The following MED13L variants were observed in gnomAD, a reference collection of about 807,000 sequenced individuals.
MED13L encodes mediator complex subunit 13L, also known as mediator of RNA polymerase II transcription subunit 13-like.
Under a neutral mutation model 220.9 loss-of-function variants are expected in MED13L, and 7 were observed. The ratio of observed to expected loss-of-function variants is 0.03; its 90% CI spans 0.02 to 0.06. The LOEUF is 0.06. MED13L is among the 10% of genes least tolerant of loss of function. MED13L has a pLI of 1.00. For synonymous variants in MED13L, 1,011 were observed against 1,015.2 expected (o/e 1.00, Z 0.08); for missense variants, 1,965 against 2,760.5 (o/e 0.71, Z 6.46).
intron 1 of MED13L, among the ~76,000 whole-genome samples, chr12:116,244,357 A>AC (rs34570246): frequency 6.6e-6 from 1 of 152,114 alleles, no homozygotes; most frequent in Non-Finnish European, 1.5e-5. Flanking sequence ...TCTCTCCTAA[A>AC]CCCCTGTAAG....
intron 1 of MED13L, among the ~76,000 whole-genome samples, chr12:116,250,472 T>G (rs976946930): frequency 6.6e-6 from 1 of 151,720 alleles, no homozygotes; most frequent in Admixed American, 6.6e-5. Context: ...TAAAAAATAC[T>G]TTTTTTCTCG....
At chr12:116,172,622 G>A (rs1405203571) in intron 2 of MED13L, among the ~76,000 whole-genome samples, 1 of 152,128 alleles carries the variant, frequency 6.6e-6, no homozygotes, top group Non-Finnish European at 1.5e-5. Flanking sequence ...AAGTGTTGAA[G>A]GCAAAAAGTC....
chr12:115,978,587 A>G (rs985353899), intron 23 of MED13L, among the ~76,000 whole-genome samples: 4 of 152,098 alleles, frequency 2.6e-5, no homozygotes, highest in South Asian at 2.1e-4. Context: ...TCAGCCTCCC[A>G]AAGTGTTGGG....
chr12:116,118,803 G>A (rs147422709), intron 2 of MED13L, among the ~76,000 whole-genome samples: 60 of 152,294 alleles, frequency 3.9e-4, no homozygotes, highest in African/African-American at 1.3e-3. Context: ...ACCAGGCTAA[G>A]AACTAGGAAT....
At chr12:116,088,868 A>G (rs1871949436) in intron 4 of MED13L, among the ~76,000 whole-genome samples, 1 of 152,178 alleles carries the variant, frequency 6.6e-6, no homozygotes, top group Non-Finnish European at 1.5e-5. Context: ...CAGTCTCCAC[A>G]CTATATCATT....
At chr12:116,087,248 T>C (rs374786697) in intron 4 of MED13L, among the ~76,000 whole-genome samples, 1 of 152,318 alleles carries the variant, frequency 6.6e-6, no homozygotes, top group East Asian at 1.9e-4. Context: ...TCTTATTCAA[T>C]ACCATAAAAT....
chr12:115,964,887 G>A (rs1164434869), intron 29 of MED13L, among the ~76,000 whole-genome samples: 1 of 152,142 alleles, frequency 6.6e-6, no homozygotes, highest in Non-Finnish European at 1.5e-5. Flanking sequence ...CACATTCGTG[G>A]CAACAGAGGT....
chr12:116,133,375 CAGGA>C (rs906120879), intron 2 of MED13L, among the ~76,000 whole-genome samples: 9 of 152,156 alleles, frequency 5.9e-5, no homozygotes, highest in African/African-American at 2.2e-4. Context: ...AGAGGAGCAA[CAGGA>C]AGTGCTAACA....
chr12:116,241,104 G>A (rs780607160), intron 1 of MED13L, among the ~76,000 whole-genome samples: 21 of 151,160 alleles, frequency 1.4e-4, no homozygotes, highest in Non-Finnish European at 2.7e-4. Context: ...GTCAAAAGAT[G>A]GAGACCATCC....
chr12:116,005,989 G>A lies in MED13L; in HGVS notation c.2349C>T (p.Val783=). Residue 783 remains valine, a synonymous_variant, in exon 13 of 31, where the codon GTC becomes GTT. Transcript: ENST00000281928. ...SIFSSATKTD[V]RQDNAAGRAG... ...CTCTGCCAGCAGCATTATCCTGCCG[G>A]ACATCTGTAGGAAAGGAGGCAAAAG... 1 of 1,613,860 alleles carries A rather than the reference G, an allele frequency of 6.2e-7. No homozygotes were observed. Among genetic ancestry groups the A allele is most frequent in the Non-Finnish European group, 8.5e-7 (1 of 1,179,848 alleles).
chr12:116,266,862 T>C (rs768958202), intron 1 of MED13L, among the ~76,000 whole-genome samples: 1 of 152,224 alleles, frequency 6.6e-6, no homozygotes, highest in Non-Finnish European at 1.5e-5. Flanking sequence ...AGGGCTTTCC[T>C]TCCTTCAACA....
intron 4 of MED13L, among the ~76,000 whole-genome samples, chr12:116,040,466 A>ACACAATCTATTTTACG (rs1881456528): frequency 3.3e-5 from 5 of 152,224 alleles, no homozygotes; most frequent in African/African-American, 1.2e-4. Context: ...TCTATTTTAC[A>ACACAATCTATTTTACG]TGAAATTCAG....
At chr12:116,088,042 A>C (rs1375752687) in intron 4 of MED13L, among the ~76,000 whole-genome samples, 2 of 152,114 alleles carry the variant, frequency 1.3e-5, no homozygotes, top group African/African-American at 4.8e-5. Context: ...ATCTGCAAAA[A>C]CCTGAGTTAC....
intron 4 of MED13L, among the ~76,000 whole-genome samples, chr12:116,052,356 T>C (rs1449377971): frequency 1.3e-5 from 2 of 152,170 alleles, no homozygotes; most frequent in Non-Finnish European, 2.9e-5. Flanking sequence ...GAGTCCTGTA[T>C]TACAAGAAGT....
At chr12:116,090,801 G>A (rs1346976788) in intron 4 of MED13L, among the ~76,000 whole-genome samples, 1 of 152,072 alleles carries the variant, frequency 6.6e-6, no homozygotes, top group African/African-American at 2.4e-5. Context: ...TACAATAATG[G>A]TATTCTCTCA....
At chr12:115,984,015 T>A (rs945904112) in intron 20 of MED13L, among the ~76,000 whole-genome samples, 165 bp downstream of exon 20, 2 of 152,192 alleles carry the variant, frequency 1.3e-5, no homozygotes, top group African/African-American at 4.8e-5. Context: ...TATATGTCCA[T>A]ATAGAAATTA....
chr12:116,241,388 T>C (rs577446890), intron 1 of MED13L, among the ~76,000 whole-genome samples: 1 of 151,098 alleles, frequency 6.6e-6, no homozygotes, highest in African/African-American at 2.4e-5. Context: ...TAATAACATC[T>C]AATAACATTA....
At chr12:116,046,755 C>T (rs1431502858) in intron 4 of MED13L, among the ~76,000 whole-genome samples, 4 of 152,100 alleles carry the variant, frequency 2.6e-5, no homozygotes, top group Non-Finnish European at 2.9e-5. Flanking sequence ...AGACGGATCA[C>T]GAGGTCAGGA....
intron 1 of MED13L, among the ~76,000 whole-genome samples, chr12:116,243,907 C>T (rs1781802739): frequency 6.6e-6 from 1 of 152,284 alleles, no homozygotes; most frequent in East Asian, 1.9e-4. Context: ...CAGTTCAAGT[C>T]TCCTGGCCCA....
Sources: allele counts gnomAD v4.1 joint callset (sites outside exome capture counted in the v4.1 genomes callset), GRCh38; gene constraint gnomAD v4.1.1; transcripts MANE v1.5; gene names NCBI Gene and HGNC (gene_info 2026-07-23, HGNC 2026-07-21).